Variants in JAK3 observed in about 807,000 individuals in gnomAD.
JAK3 encodes the protein Janus kinase 3.
JAK3 carries 88 observed loss-of-function variants against 120.8 expected under a neutral mutation model. The ratio of observed to expected loss-of-function variants is 0.73; its 90% CI spans 0.61 to 0.87. JAK3 has a LOEUF of 0.87. Among genes scored for constraint, JAK3 ranks in the 40% least tolerant of loss-of-function variants. JAK3 has a pLI of 0.00. For synonymous variants in JAK3, 592 were observed against 628.6 expected (o/e 0.94, Z 0.87); for missense variants, 1,254 against 1,501.4 (o/e 0.84, Z 2.72).
rs758861484 is a variant in JAK3 at position 17,843,949 on chromosome 19, C to T, written c.185-49G>A. 8.1e-6 allele frequency: 13 copies of T among 1,609,058 alleles called. No homozygotes were observed. Among genetic ancestry groups the T allele is most frequent in the African/African-American group, 2.7e-5 (2 of 74,788 alleles). ...TCCCTCCTGAGTCACCCCATCTGTGCCCTTCAGGAGTGCCAGCATCATACC... is the reference window on the plus strand; with the variant it reads ...TCCCTCCTGAGTCACCCCATCTGTGTCCTTCAGGAGTGCCAGCATCATACC... On this transcript the variant is annotated intron_variant, in intron 2 of 23. Coordinates refer to ENST00000458235, the MANE Select transcript of JAK3 (RefSeq NM_000215.4). The surrounding 1 kb of genome is among the most constrained non-coding windows in gnomAD (Gnocchi z 5.4).
Position 17,842,292 on chromosome 19 carries a change from C to G in JAK3, c.861+24G>C. On this transcript the variant is annotated intron_variant, in intron 6 of 23. Coordinates refer to ENST00000458235, the MANE Select transcript of JAK3 (RefSeq NM_000215.4). This position sits in a 1 kb window ranked among gnomAD's most constrained non-coding sequence, Gnocchi z 6.4. ...GAGCCCCGCCCCCACGTTGGCCCCG[C>G]CCAGCGGGGGAGTCCGCCCTCACCT... 1 of 1,535,326 alleles carries G rather than the reference C, an allele frequency of 6.5e-7. No homozygotes were observed. Among genetic ancestry groups the G allele is most frequent in the Non-Finnish European group, 8.7e-7 (1 of 1,147,900 alleles).
Position 17,842,880 on chromosome 19 carries a change from G to A in JAK3, c.566+147C>T. 8.9e-7 allele frequency: 1 copy of A among 1,125,348 alleles called. No individual in the cohort carries two copies. The highest frequency in any genetic ancestry group is 1.3e-6 in the Non-Finnish European group (1 of 771,974). 69.7% of individuals were successfully genotyped at this position (1,125,348 alleles called of 1,614,324 possible). On this transcript the variant is annotated intron_variant, in intron 5 of 23. Transcript: ENST00000458235. The surrounding 1 kb of genome is among the most constrained non-coding windows in gnomAD (Gnocchi z 6.4). Reference sequence around the variant, plus strand: ...TCCAGCTGGAGCCTGGGGGTGGAGAGGGCTGGGTTCGTGGGAGGCCCTGGG... The same window carrying A: ...TCCAGCTGGAGCCTGGGGGTGGAGAAGGCTGGGTTCGTGGGAGGCCCTGGG...
At chr19:17,830,867 G>T (rs1304441968) in intron 21 of JAK3, among the ~76,000 whole-genome samples, 2 of 114,842 alleles carry the variant, frequency 1.7e-5, no homozygotes, top group African/African-American at 6.8e-5. Flanking sequence ...GGCGGGGCCA[G>T]AGCCGTGGGA....
In JAK3 at chr19:17,835,286, A is replaced by G. The variant is rs1353842700; in HGVS notation, c.1915-71T>C. ...TGAAGAGTCTGTTTGGCAAACTCCT[A>G]TACATCCTTCAAAACCCACTTGGTA... On this transcript the variant is annotated intron_variant, in intron 14 of 23. Transcript: ENST00000458235. 3.2e-6 allele frequency: 5 copies of G among 1,567,056 alleles called. No individual in the cohort carries two copies. The African/African-American group carries it at 4.1e-5, about 13-fold the overall frequency.
At chr19:17,833,858 T>TATAAA (rs968690954) in intron 17 of JAK3, among the ~76,000 whole-genome samples, 2 of 151,712 alleles carry the variant, frequency 1.3e-5, no homozygotes, top group Non-Finnish European at 2.9e-5. Flanking sequence ...GTCTCAAAAA[T>TATAAA]ATAAAATAAA....
rs571150417 is a variant in JAK3, at chr19:17,839,702, A to T, written c.1255-39T>A. 4.3e-3 allele frequency: 6,373 copies of T among 1,494,160 alleles called. 252 individuals carry two copies. The African/African-American group carries it at 0.078, about 18-fold the overall frequency. The allele number at this position is 1,494,160 out of a possible 1,614,324, so 92.6% of individuals were successfully genotyped here. A position where few individuals can be genotyped will look rare whatever the true frequency, so the allele number is the denominator to read the frequency against. On this transcript the variant is annotated intron_variant, in intron 9 of 23. Coordinates refer to ENST00000458235, the MANE Select transcript of JAK3 (RefSeq NM_000215.4). The stretch of plus-strand genomic sequence containing the variant: ...TGGCCCCTGAGTGGGACTGAGCGAC[A>T]GACACTCTCCTTCTCAGTCCTTCTT...
rs1259931599 is a variant in JAK3 at position 17,841,394 on chromosome 19, G to A, written c.1137C>T (p.Pro379=). The A allele has an allele frequency of 6.5e-7, 1 of 1,549,910 alleles. No homozygotes were observed. Among genetic ancestry groups the A allele is most frequent in the Non-Finnish European group, 8.7e-7 (1 of 1,148,236 alleles). Residue 379 remains proline, a synonymous_variant, in exon 8 of 24, where the codon CCC becomes CCT. Coordinates refer to ENST00000458235, the MANE Select transcript of JAK3 (RefSeq NM_000215.4). This position sits in a 1 kb window ranked among gnomAD's most constrained non-coding sequence, Gnocchi z 4.1. ...AATGGGGGACAGGTCCTTACGTGAT[G>A]GGGCCGTGGCACTGCTCGGCCACTT... ...LEEVAEQCHG[P]ITLDFAINKL...
rs2094242093 is a variant in JAK3 at position 17,842,435 on chromosome 19, CTGGATCCAGCCGCTCCA to C, written c.725_741del (p.Leu242ArgfsTer29). 2 of 1,585,824 alleles carry C rather than the reference CTGGATCCAGCCGCTCCA, an allele frequency of 1.3e-6. No homozygotes were observed. The highest frequency in any genetic ancestry group is 1.7e-6 in the Non-Finnish European group (2 of 1,168,536). On this transcript the variant is annotated frameshift_variant, in exon 6 of 24. Coordinates refer to ENST00000458235, the MANE Select transcript of JAK3 (RefSeq NM_000215.4). LOFTEE classifies it high-confidence loss of function. The surrounding 1 kb of genome is among the most constrained non-coding windows in gnomAD (Gnocchi z 6.4). ...ACGTGGAAGGTCTCGGCGGCCCCGG[CTGGATCCAGCCGCTCCA>C]GGTCCATGATGTACTTGGCCATGAG... is the stretch of plus-strand genomic sequence containing the variant.
chr19:17,838,438 G>C (rs750042200), intron 10 of JAK3, 48 bp from the exon 11 acceptor site: 6 of 1,612,420 alleles, frequency 3.7e-6, no homozygotes, highest in Non-Finnish European at 5.1e-6. Context: ...GAGGTGAAAA[G>C]TCCCCAAGGG....
rs2094227978 is a variant in JAK3 at position 17,837,846 on chromosome 19, C to T, written c.1701+86G>A. 1.9e-6 allele frequency: 3 copies of T among 1,585,786 alleles called. No individual in the cohort carries two copies. In the South Asian group the frequency reaches 3.3e-5, roughly 18 times the overall value. On this transcript the variant is annotated intron_variant, in intron 12 of 23. Coordinates refer to ENST00000458235, the MANE Select transcript of JAK3 (RefSeq NM_000215.4). ...CAGGCATGAGCCACCACGCCCAGGT[C>T]CCTGTGTGTTTTTAAATTTCTCTGC... is the stretch of plus-strand genomic sequence containing the variant.
At chr19:17,834,759 A>G in intron 16 of JAK3, 38 bp from the exon 17 acceptor site, 1 of 1,614,030 alleles carries the variant, frequency 6.2e-7, no homozygotes, top group Non-Finnish European at 8.5e-7. Context: ...CCCCAACCCA[A>G]TAGACCCACC....
chr19:17,842,882 G>A lies in JAK3; in HGVS notation c.566+145C>T. 1.8e-6 allele frequency: 2 copies of A among 1,138,852 alleles called. No homozygotes were observed. The highest frequency in any genetic ancestry group is 1.3e-6 in the Non-Finnish European group (1 of 783,760). The allele number at this position is 1,138,852 out of a possible 1,614,324, so 70.5% of individuals were successfully genotyped here. A position where few individuals can be genotyped will look rare whatever the true frequency, so the allele number is the denominator to read the frequency against. On this transcript the variant is annotated intron_variant, in intron 5 of 23. Transcript: ENST00000458235. This position sits in a 1 kb window ranked among gnomAD's most constrained non-coding sequence, Gnocchi z 6.4. ...CAGCTGGAGCCTGGGGGTGGAGAGG[G>A]CTGGGTTCGTGGGAGGCCCTGGGTC...
chr19:17,846,581 T>C (rs529351750), intron 1 of JAK3, among the ~76,000 whole-genome samples: 6 of 152,272 alleles, frequency 3.9e-5, no homozygotes, highest in African/African-American at 1.2e-4. Flanking sequence ...TCAAGTTTTT[T>C]GGTTTGTTTG....
rs7247752 is a variant in JAK3, at chr19:17,842,014, C to G, written c.862-252G>C. 0.023 allele frequency among the ~76,000 whole-genome samples: 3,499 copies of G among 151,500 alleles called. 154 individuals carry two copies. The highest frequency in any genetic ancestry group is 0.081 in the African/African-American group (3,339 of 40,996). ...CCGCCCCTTGATCCCTGCCCCGCTT[C>G]GCAGCCTCCCAGCTCTCGGAGCCTC... On this transcript the variant is annotated intron_variant, in intron 6 of 23. Coordinates refer to ENST00000458235, the MANE Select transcript of JAK3 (RefSeq NM_000215.4). This position sits in a 1 kb window ranked among gnomAD's most constrained non-coding sequence, Gnocchi z 6.4.
Position 17,830,207 on chromosome 19 carries a change from C to G in JAK3, c.3108G>C (p.Arg1036=). 1 of 1,579,024 alleles carries G rather than the reference C, an allele frequency of 6.3e-7. No homozygotes were observed. The change falls in exon 23 of 24, where the codon CGG becomes CGC. Residue 1036 remains arginine (R), a synonymous_variant. Coordinates refer to ENST00000458235, the MANE Select transcript of JAK3 (RefSeq NM_000215.4). ...KSCSPSAEFL[R]MMGCERDVPA... Reference sequence around the variant, plus strand: ...GGACATCCCGCTCACATCCCATCATCCGCAGGAACTCCTGGAGCCAAGGAG... The same window carrying G: ...GGACATCCCGCTCACATCCCATCATGCGCAGGAACTCCTGGAGCCAAGGAG...
chr19:17,831,097 G>A lies in JAK3; in HGVS notation c.2978+131C>T. 1.1e-6 allele frequency: 1 copy of A among 915,572 alleles called. No homozygotes were observed. Among genetic ancestry groups the A allele is most frequent in the South Asian group, 1.6e-5 (1 of 61,678 alleles). 56.7% of individuals were successfully genotyped at this position (915,572 alleles called of 1,614,324 possible). On this transcript the variant is annotated intron_variant, in intron 21 of 23. Coordinates refer to ENST00000458235, the MANE Select transcript of JAK3 (RefSeq NM_000215.4). This position sits in a 1 kb window ranked among gnomAD's most constrained non-coding sequence, Gnocchi z 5.1. ...GGCGGGGCTCTGGGGAGTGGGAGGG[G>A]CCAAAGCTGCAGCGGAGGAAGGGCG...
At chr19:17,829,717 A>G (rs1599865430) in intron 23 of JAK3, 1 of 352,238 alleles carries the variant, frequency 2.8e-6, no homozygotes, top group East Asian at 4.4e-5. Context: ...CTATAATTGC[A>G]CCCCAGCCTG....
At chr19:17,837,380 G>A (rs2094226829) in intron 12 of JAK3, among the ~76,000 whole-genome samples, 167 bp from the exon 13 acceptor site, 1 of 152,090 alleles carries the variant, frequency 6.6e-6, no homozygotes, top group African/African-American at 2.4e-5. Flanking sequence ...TCTGATACGG[G>A]ACAGAAGTTC....
Position 17,830,570 on chromosome 19 carries a change from A to T in JAK3, c.3029T>A (p.Val1010Asp), listed in dbSNP as rs2094212078. The change falls in exon 22 of 24, where the codon GTC (valine) becomes GAC (aspartate). Residue 1010 changes from valine to aspartate, a missense_variant. Transcript: ENST00000458235. The part of the protein sequence containing the change: ...SDNIFSRQSD[V>D]WSFGVVLYEL... ...GTACAGGACGACCCCGAAGCTCCAG[A>T]CGTCTGACTGGCGAGAGAAGATGTT... 6.2e-7 allele frequency: 1 copy of T among 1,613,470 alleles called. No individual in the cohort carries two copies. The highest frequency in any genetic ancestry group is 1.7e-5 in the Admixed American group (1 of 59,910).
Sources: gnomAD v4.1 joint callset for allele counts (sites outside exome capture counted in the v4.1 genomes callset) on GRCh38, gnomAD v4.1.1 for gene constraint, Gnocchi (gnomAD v3.1) non-coding constraint, MANE v1.5 for transcripts, NCBI Gene and HGNC (gene_info 2026-07-23, HGNC 2026-07-21) for gene names.